The following CHAMP1 variants were observed in gnomAD, a reference collection of about 807,000 sequenced individuals.
The protein encoded by CHAMP1 is chromosome alignment maintaining phosphoprotein 1.
In CHAMP1, 4 loss-of-function variants were observed where a neutral mutation model predicts 54.5. That is an observed-to-expected ratio of 0.07 (90% CI 0.04 to 0.17). The LOEUF (loss-of-function observed/expected upper bound fraction) is 0.17, where lower values mean the gene tolerates loss of function less well. Ranked by LOEUF, CHAMP1 falls within the 10% of genes least tolerant of loss-of-function variation. The probability of loss-of-function intolerance (pLI) is 1.00; values close to 1 mark genes in which losing one functional copy is unlikely to be tolerated. For synonymous variants in CHAMP1, 368 were observed against 342.2 expected, an observed-to-expected ratio of 1.08 and a Z score of -0.83; for missense variants, 994 against 968.6, an observed-to-expected ratio of 1.03 and a Z score of -0.35.
At chr13:114,314,806 C>T (rs1196242408) in intron 1 of CHAMP1, among the ~76,000 whole-genome samples, 163 bp downstream of exon 1, 1 of 151,798 alleles carries the variant, frequency 6.6e-6, no homozygotes, top group East Asian at 2.0e-4. Flanking sequence ...AAGGGCCCGC[C>T]CCCACAGGCC....
intron 1 of CHAMP1, among the ~76,000 whole-genome samples, chr13:114,315,417 G>T (rs2087084449): frequency 1.3e-5 from 2 of 152,110 alleles, no homozygotes; most frequent in Non-Finnish European, 2.9e-5. Flanking sequence ...TCAGATACTT[G>T]TTCACAAATG....
intron 2 of CHAMP1, chr13:114,322,354 T>G (rs1421746610): frequency 6.6e-6 from 1 of 152,094 alleles, no homozygotes; most frequent in Non-Finnish European, 1.5e-5. Flanking sequence ...TTTTTTAAAA[T>G]AATGGTTTTG....
rs114251717 is a variant in CHAMP1 at position 114,323,456 on chromosome 13, A to G, written c.-55-332A>G. The G allele has an allele frequency of 4.9e-3, 840 of 170,240 alleles. 2 individuals carry two copies. The highest frequency in any genetic ancestry group is 0.015 in the African/African-American group (638 of 42,318). 10.5% of individuals were successfully genotyped at this position (170,240 alleles called of 1,614,324 possible). A position where few individuals can be genotyped will look rare whatever the true frequency, so the allele number is the denominator to read the frequency against. ...AGTCAAAGTATAAAGCACATGCAAT[A>G]GCTAATTCTAGAGTCAGGCTCACAT... is the stretch of plus-strand genomic sequence containing the variant. On this transcript the variant is annotated intron_variant, in intron 2 of 2. Transcript: ENST00000361283.
At chr13:114,322,861 A>G (rs913238793) in intron 2 of CHAMP1, 6 of 152,238 alleles carry the variant, frequency 3.9e-5, no homozygotes, top group South Asian at 2.1e-4. Context: ...GGCTACCCCT[A>G]GGGACTGACA....
chr13:114,322,579 T>G (rs1449020293), intron 2 of CHAMP1: 2 of 152,210 alleles, frequency 1.3e-5, no homozygotes, highest in African/African-American at 4.8e-5. Context: ...TATGCAGTAA[T>G]AGAAGTTTTT....
chr13:114,323,052 C>T (rs2087193590), intron 2 of CHAMP1: 1 of 152,190 alleles, frequency 6.6e-6, no homozygotes, highest in South Asian at 2.1e-4. Context: ...TTCAGGATCT[C>T]TGCTGGAATG....
rs142271038 is a variant in CHAMP1 at position 114,324,768 on chromosome 13, C to T, written c.926C>T (p.Pro309Leu). ...EPRRPAPAVS[P>L]GSWKPGPPGS... ...AGGAGACCAGCCCCCGCTGTGTCAC[C>T]AGGCTCTTGGAAACCAGGGCCACCT... Residue 309 changes from proline (P) to leucine (L), a missense_variant, in exon 3 of 3, where the codon CCA becomes CTA. Coordinates refer to ENST00000361283, the MANE Select transcript of CHAMP1 (RefSeq NM_032436.4). 437 of 1,613,918 alleles carry T rather than the reference C, an allele frequency of 2.7e-4. 2 individuals carry two copies. Among genetic ancestry groups the T allele is most frequent in the Non-Finnish European group, 5.8e-5 (68 of 1,179,928 alleles).
At chr13:114,316,304 C>T (rs1372872968) in intron 1 of CHAMP1, among the ~76,000 whole-genome samples, 1 of 151,414 alleles carries the variant, frequency 6.6e-6, no homozygotes, top group Admixed American at 6.6e-5. Flanking sequence ...GCTGGGATTA[C>T]AGGCGCCTGC....
chr13:114,323,828 G>A lies in CHAMP1; in HGVS notation c.-15G>A, dbSNP rs1555379309. The A allele has an allele frequency of 6.3e-7, 1 of 1,584,898 alleles. No homozygotes were observed. The highest frequency in any genetic ancestry group is 1.8e-5 in the Admixed American group (1 of 55,828). ...TTAAAGAATATAACCGTGTGTGTTGGTAACAGACAGAAGAATGGAAGCATT... is the reference window on the plus strand; with the variant it reads ...TTAAAGAATATAACCGTGTGTGTTGATAACAGACAGAAGAATGGAAGCATT... On this transcript the variant is annotated 5_prime_UTR_variant, in exon 3 of 3. Coordinates refer to ENST00000361283, the MANE Select transcript of CHAMP1 (RefSeq NM_032436.4).
Position 114,316,460 on chromosome 13 carries a change from C to T in CHAMP1, c.-179+1817C>T, listed in dbSNP as rs181438663. Among the ~76,000 whole-genome samples, 907 of 151,524 alleles carry T rather than the reference C, an allele frequency of 6.0e-3. 2 individuals carry two copies. The highest frequency in any genetic ancestry group is 8.9e-3 in the Non-Finnish European group (601 of 67,826). ...TTACAGGCGTGAGCCTGTGGTGGCG[C>T]GCGCCTGTAGTCCCAGCTACTGGGG... On this transcript the variant is annotated intron_variant, in intron 1 of 2. Transcript: ENST00000361283.
chr13:114,314,901 T>C (rs563823239), intron 1 of CHAMP1, among the ~76,000 whole-genome samples: 22 of 152,214 alleles, frequency 1.4e-4, no homozygotes, highest in East Asian at 3.9e-4. Context: ...TTTGAAACCA[T>C]TGGGAAGTTG....
intron 1 of CHAMP1, among the ~76,000 whole-genome samples, chr13:114,316,154 T>C (rs1158454796): frequency 6.6e-6 from 1 of 151,812 alleles, no homozygotes. Context: ...AAGTTTTTTG[T>C]TTTTATTTTT....
rs548630533 is a variant in CHAMP1, at chr13:114,325,260, G to A, written c.1418G>A (p.Arg473His). The change falls in exon 3 of 3, where the codon CGT (arginine) becomes CAT (histidine). Residue 473 changes from arginine (R) to histidine (H), a missense_variant. Coordinates refer to ENST00000361283, the MANE Select transcript of CHAMP1 (RefSeq NM_032436.4). The part of the protein sequence containing the change: ...LDFPESQKSS[R>H]GGSPDLWKSS... ...TTCCCTGAGTCCCAGAAAAGTTCCC[G>A]TGGTGGTTCTCCTGATCTCTGGAAG... is the stretch of plus-strand genomic sequence containing the variant. 4.7e-5 allele frequency: 76 copies of A among 1,613,998 alleles called. No homozygotes were observed. The highest frequency in any genetic ancestry group is 1.8e-4 in the South Asian group (16 of 91,082).
In CHAMP1 at chr13:114,324,423, G is replaced by A; in HGVS notation, c.581G>A (p.Cys194Tyr). The A allele has an allele frequency of 6.2e-7, 1 of 1,614,096 alleles. No homozygotes were observed. Among genetic ancestry groups the A allele is most frequent in the Non-Finnish European group, 8.5e-7 (1 of 1,180,008 alleles). ...SPEPPKSVPV[C>Y]ESQKLAPVPS... Reference sequence around the variant, plus strand: ...GAACCTCCAAAATCAGTCCCTGTTTGTGAGTCTCAGAAACTTGCCCCTGTT... The same window carrying A: ...GAACCTCCAAAATCAGTCCCTGTTTATGAGTCTCAGAAACTTGCCCCTGTT... The change falls in exon 3 of 3, where the codon TGT becomes TAT. Residue 194 changes from cysteine to tyrosine, a missense_variant. This residue lies in a region of CHAMP1 where 851 missense variants were observed against 701.3 expected (regional missense o/e 1.21). Coordinates refer to ENST00000361283, the MANE Select transcript of CHAMP1 (RefSeq NM_032436.4).
chr13:114,321,780 C>T (rs1555379142), intron 2 of CHAMP1, among the ~76,000 whole-genome samples: 2 of 152,042 alleles, frequency 1.3e-5, no homozygotes, highest in East Asian at 1.9e-4. Flanking sequence ...TTCATCAGTA[C>T]GGAATTATTT....
At chr13:114,323,381 G>C (rs2087196946) in intron 2 of CHAMP1, 1 of 153,972 alleles carries the variant, frequency 6.5e-6, no homozygotes, top group African/African-American at 2.4e-5. Flanking sequence ...ATTTAATTTT[G>C]ATATTCACTC....
rs893582610 is a variant in CHAMP1, at chr13:114,325,365, C to T, written c.1523C>T (p.Pro508Leu). ...GGTCCTTCTGGGCCATCTGAGTCCC[C>T]CAAAGCAGCCTCAGATATCTGGAAG... ...KPGPSGPSESPKAASDIWKPV... is the reference protein window; with the variant it reads ...KPGPSGPSESLKAASDIWKPV... The change falls in exon 3 of 3, where the codon CCC becomes CTC. Residue 508 changes from proline (P) to leucine (L), a missense_variant. Coordinates refer to ENST00000361283, the MANE Select transcript of CHAMP1 (RefSeq NM_032436.4). 6.2e-7 allele frequency: 1 copy of T among 1,614,124 alleles called. No homozygotes were observed. The highest frequency in any genetic ancestry group is 8.5e-7 in the Non-Finnish European group (1 of 1,180,030).
rs782707635 is a variant in CHAMP1, at chr13:114,325,405, C to T, written c.1563C>T (p.Ile521=). 14 of 1,613,980 alleles carry T rather than the reference C, an allele frequency of 8.7e-6. No homozygotes were observed. The highest frequency in any genetic ancestry group is 3.3e-5 in the Admixed American group (2 of 59,996). ...ATATCTGGAAGCCTGTTCTCTCTAT[C>T]GATACTGAGCCTAGAAAACCTGCCC... ...ASDIWKPVLS[I]DTEPRKPALF... is the part of the protein sequence containing the mutation. The change falls in exon 3 of 3, where the codon ATC becomes ATT. Residue 521 remains isoleucine (I), a synonymous_variant. Coordinates refer to ENST00000361283, the MANE Select transcript of CHAMP1 (RefSeq NM_032436.4).
At chr13:114,319,093 C>G (rs1841498218) in intron 1 of CHAMP1, among the ~76,000 whole-genome samples, 1 of 151,986 alleles carries the variant, frequency 6.6e-6, no homozygotes, top group African/African-American at 2.4e-5. Context: ...TTTAAAAGAT[C>G]TTACTAAATT....
Sources: gnomAD v4.1 joint callset for allele counts (sites outside exome capture counted in the v4.1 genomes callset) on GRCh38, gnomAD v4.1.1 for gene constraint, gnomAD v4.1.1 regional missense constraint, MANE v1.5 for transcripts, NCBI Gene and HGNC (gene_info 2026-07-23, HGNC 2026-07-21) for gene names.